Variants in TENM1 observed in about 807,000 individuals in gnomAD.
The protein encoded by TENM1 is teneurin transmembrane protein 1, also known as teneurin-1.
A neutral mutation model predicts 174.8 loss-of-function variants in TENM1; 35 were observed. The ratio of observed to expected loss-of-function variants is 0.20; its 90% CI spans 0.15 to 0.27. TENM1 has a LOEUF of 0.27. Ranked by LOEUF, TENM1 falls within the 10% of genes least tolerant of loss-of-function variation. TENM1 has a pLI of 1.00. For synonymous variants in TENM1, 781 were observed against 798.7 expected, an observed-to-expected ratio of 0.98 and a Z score of 0.37; for missense variants, 1,633 against 2,130.1, an observed-to-expected ratio of 0.77 and a Z score of 4.59.
chrX:125,004,947 G>C, the TENM1 span, among the ~76,000 whole-genome samples: 1 of 110,548 alleles, frequency 9.0e-6, no homozygotes, highest in African/African-American at 3.3e-5. Flanking sequence ...GAAACGACTG[G>C]CTCAGGATAC....
At chrX:124,755,848 C>T (rs1034883143) in intron 3 of TENM1, among the ~76,000 whole-genome samples, 6 of 108,201 alleles carry the variant, frequency 5.5e-5, no homozygotes, top group Non-Finnish European at 7.6e-5. Flanking sequence ...GAGTTTCTGC[C>T]GAGAGATCTG....
At chrX:125,139,435 T>G in the TENM1 span, among the ~76,000 whole-genome samples, 1 of 111,362 alleles carries the variant, frequency 9.0e-6, no homozygotes, top group Admixed American at 9.5e-5. Flanking sequence ...CATCTGCTGA[T>G]ATTGTGCAGA....
chrX:125,043,180 A>C, the TENM1 span, among the ~76,000 whole-genome samples: 2 of 93,882 alleles, frequency 2.1e-5, no homozygotes, highest in African/African-American at 7.8e-5. Context: ...TAATTAAACT[A>C]AAGAGCTTCT....
intron 1 of TENM1, among the ~76,000 whole-genome samples, chrX:124,916,555 T>C (rs1259114711): frequency 2.7e-5 from 3 of 111,485 alleles, no homozygotes; most frequent in Admixed American, 9.5e-5. Flanking sequence ...TAAAGTAATC[T>C]TCCTGCCTGG....
intron 3 of TENM1, among the ~76,000 whole-genome samples, chrX:124,863,531 G>C (rs1342386909): frequency 8.9e-6 from 1 of 112,166 alleles, no homozygotes; most frequent in East Asian, 2.8e-4. Context: ...AGGTTCCTCT[G>C]TCTTTTGAAA....
At chrX:124,974,544 T>C in the TENM1 span, among the ~76,000 whole-genome samples, 107 of 111,150 alleles carry the variant, frequency 9.6e-4, no homozygotes, top group Middle Eastern at 4.6e-3. Flanking sequence ...AACATGGAAG[T>C]TGCTTAATTC....
intron 3 of TENM1, among the ~76,000 whole-genome samples, chrX:124,887,282 C>T (rs186004356): frequency 8.1e-5 from 9 of 110,515 alleles, no homozygotes; most frequent in African/African-American, 2.3e-4. Context: ...TTAAAAATGA[C>T]GAGGCAGATT....
At chrX:124,764,676 G>C (rs1188766224) in intron 3 of TENM1, among the ~76,000 whole-genome samples, 1 of 101,663 alleles carries the variant, frequency 9.8e-6, no homozygotes, top group African/African-American at 3.8e-5. Context: ...TGCTTTGTTT[G>C]GACTGTTTTT....
intron 28 of TENM1, 42 bp from the exon 32 acceptor site, chrX:124,386,106 A>G: frequency 2.7e-6 from 3 of 1,114,662 alleles, no homozygotes; most frequent in Non-Finnish European, 3.6e-6. Context: ...ATGGACAACT[A>G]AAGTTGAGGC....
intron 12 of TENM1, among the ~76,000 whole-genome samples, chrX:124,564,519 G>C (rs1464566068): frequency 1.8e-5 from 2 of 111,042 alleles, no homozygotes; most frequent in African/African-American, 6.5e-5. Flanking sequence ...GTCAAGGAAT[G>C]CCACTGGAAC....
intron 23 of TENM1, among the ~76,000 whole-genome samples, chrX:124,435,356 C>T (rs761763979): frequency 9.5e-4 from 106 of 112,167 alleles, no homozygotes; most frequent in Non-Finnish European, 1.7e-3. Flanking sequence ...AAGCAATTTA[C>T]AGGCCAGAAG....
chrX:124,531,641 A>C (rs1817332200), intron 15 of TENM1, among the ~76,000 whole-genome samples: 1 of 112,216 alleles, frequency 8.9e-6, no homozygotes, highest in Admixed American at 9.4e-5. Flanking sequence ...TTTTCCAGTG[A>C]GCTGTCCATT....
chrX:124,520,472 C>T (rs776256206), intron 18 of TENM1, 45 bp downstream of exon 21: 1 of 1,073,806 alleles, frequency 9.3e-7, no homozygotes, highest in Non-Finnish European at 1.3e-6. Flanking sequence ...ATTTTCTGTT[C>T]TGTGCATGTA....
the TENM1 span, among the ~76,000 whole-genome samples, chrX:125,142,187 G>A: frequency 9.0e-6 from 1 of 111,550 alleles, no homozygotes; most frequent in East Asian, 2.8e-4. Context: ...TTTTTTGTTA[G>A]GGTGGTAAAG....
At chrX:125,072,826 C>A in the TENM1 span, among the ~76,000 whole-genome samples, 1 of 111,654 alleles carries the variant, frequency 9.0e-6, no homozygotes, top group Non-Finnish European at 1.9e-5. Flanking sequence ...TATGCTCTTA[C>A]GCTACATTCA....
intron 1 of TENM1, among the ~76,000 whole-genome samples, chrX:124,907,868 G>C (rs1372624808): frequency 8.9e-6 from 1 of 111,962 alleles, no homozygotes; most frequent in Non-Finnish European, 1.9e-5. Flanking sequence ...AATTATTTTT[G>C]AGAGTGGTAT....
chrX:124,739,451 CT>C (rs1241941221), intron 3 of TENM1, among the ~76,000 whole-genome samples: 1 of 111,409 alleles, frequency 9.0e-6, no homozygotes, highest in Non-Finnish European at 1.9e-5. Context: ...AACTTGGATA[CT>C]TTTTCCTGCC....
At chrX:124,727,044 T>G (rs781774828) in intron 4 of TENM1, among the ~76,000 whole-genome samples, 2 of 112,125 alleles carry the variant, frequency 1.8e-5, no homozygotes, top group East Asian at 5.6e-4. Flanking sequence ...CCCTGTAGAC[T>G]CCATTTAATT....
At chrX:125,100,658 G>A in the TENM1 span, among the ~76,000 whole-genome samples, 2 of 111,713 alleles carry the variant, frequency 1.8e-5, no homozygotes, top group African/African-American at 3.3e-5. Context: ...CTAAAACTAC[G>A]TTTTTGTTTG....
Sources: gnomAD v4.1 joint callset for allele counts (sites outside exome capture counted in the v4.1 genomes callset) on GRCh38, gnomAD v4.1.1 for gene constraint, MANE v1.5 for transcripts, NCBI Gene and HGNC (gene_info 2026-07-23, HGNC 2026-07-21) for gene names.